DNAJC1: variants seen among roughly 807,000 people sequenced by gnomAD.
DNAJC1 encodes dnaJ homolog subfamily C member 1.
DNAJC1 carries 58 observed loss-of-function variants against 76.6 expected under a neutral mutation model. The ratio of observed to expected loss-of-function variants is 0.76; its 90% CI spans 0.61 to 0.94. The LOEUF (loss-of-function observed/expected upper bound fraction) is 0.94, where lower values mean the gene tolerates loss of function less well. DNAJC1 is among the 40% of genes least tolerant of loss of function. The pLI is 0.00. For synonymous variants in DNAJC1, 258 were observed against 267.9 expected, an observed-to-expected ratio of 0.96 and a Z score of 0.36; for missense variants, 689 against 677.3, an observed-to-expected ratio of 1.02 and a Z score of -0.19.
At chr10:21,902,948 A>C (rs1200979136) in intron 7 of DNAJC1, among the ~76,000 whole-genome samples, 4 of 151,936 alleles carry the variant, frequency 2.6e-5, no homozygotes, top group Non-Finnish European at 5.9e-5. Context: ...TTTTTTTGAG[A>C]CAGAGTTTCA....
rs1835080645 is a variant in DNAJC1 at position 21,816,556 on chromosome 10, T to G, written c.979-10457A>C. ...CACTGTCTCTCTCTCTTTTTTTTTT[T>G]TTTTTTTGAGACGGAGACTCGCTCT... On this transcript the variant is annotated intron_variant, in intron 8 of 11. Coordinates refer to ENST00000376980, the MANE Select transcript of DNAJC1 (RefSeq NM_022365.4). Among the ~76,000 whole-genome samples, 4 of 149,682 alleles carry G rather than the reference T, an allele frequency of 2.7e-5. No individual in the cohort carries two copies. The South Asian group carries it at 8.6e-4, about 32-fold the overall frequency.
intron 3 of DNAJC1, among the ~76,000 whole-genome samples, chr10:21,924,719 T>C (rs902836362): frequency 2.6e-5 from 4 of 152,280 alleles, no homozygotes; most frequent in Admixed American, 6.5e-5. Flanking sequence ...TCACTGGGTC[T>C]GAAAAATGCA....
At chr10:21,877,183 A>C (rs1004896880) in intron 8 of DNAJC1, among the ~76,000 whole-genome samples, 2 of 152,048 alleles carry the variant, frequency 1.3e-5, no homozygotes, top group East Asian at 3.9e-4. Flanking sequence ...TTGAGGTGTG[A>C]GGATCACTTG....
At chr10:21,882,568 C>T (rs777895159) in intron 7 of DNAJC1, 129 bp from the exon 8 acceptor site, 21 of 642,258 alleles carry the variant, frequency 3.3e-5, no homozygotes, top group Non-Finnish European at 5.0e-5. Context: ...AAATAATTGG[C>T]TATAACTTTT....
At chr10:21,835,137 G>A (rs1835428423) in intron 8 of DNAJC1, among the ~76,000 whole-genome samples, 1 of 152,126 alleles carries the variant, frequency 6.6e-6, no homozygotes, top group South Asian at 2.1e-4. Context: ...AACTTCCAGA[G>A]GAACGATCAG....
chr10:21,876,564 G>A (rs117769925), intron 8 of DNAJC1, among the ~76,000 whole-genome samples: 2 of 152,236 alleles, frequency 1.3e-5, no homozygotes, highest in African/African-American at 4.8e-5. Context: ...ACAACAAGCT[G>A]CATTAAACAT....
intron 1 of DNAJC1, among the ~76,000 whole-genome samples, chr10:22,002,001 CTTTAT>C (rs764878902): frequency 5.9e-5 from 9 of 152,140 alleles, no homozygotes; most frequent in Non-Finnish European, 1.2e-4. Flanking sequence ...AATGCCTATA[CTTTAT>C]AACTCTTACA....
intron 8 of DNAJC1, among the ~76,000 whole-genome samples, chr10:21,814,057 A>G (rs1835035289): frequency 6.6e-6 from 1 of 152,176 alleles, no homozygotes; most frequent in Non-Finnish European, 1.5e-5. Flanking sequence ...AGTTTTGGTG[A>G]TGAGGATGGG....
intron 8 of DNAJC1, among the ~76,000 whole-genome samples, chr10:21,857,392 T>C (rs1267289367): frequency 1.3e-5 from 2 of 152,190 alleles, no homozygotes; most frequent in Non-Finnish European, 2.9e-5. Flanking sequence ...CTTGGAATTT[T>C]AGGGCTTTTC....
chr10:21,981,237 T>G (rs1445864336), intron 1 of DNAJC1, among the ~76,000 whole-genome samples: 2 of 152,202 alleles, frequency 1.3e-5, no homozygotes, highest in Admixed American at 6.5e-5. Flanking sequence ...TTTCCCTGAT[T>G]ACTTCCATCC....
At chr10:21,841,309 C>T (rs1356060475) in intron 8 of DNAJC1, among the ~76,000 whole-genome samples, 1 of 152,150 alleles carries the variant, frequency 6.6e-6, no homozygotes, top group Non-Finnish European at 1.5e-5. Context: ...CATCAGTGAA[C>T]AGGCAGCCTA....
intron 6 of DNAJC1, among the ~76,000 whole-genome samples, chr10:21,914,686 TA>T (rs1413418143): frequency 1.3e-5 from 2 of 152,078 alleles, no homozygotes; most frequent in African/African-American, 4.8e-5. Flanking sequence ...ATACCCTCTT[TA>T]AAAAAAGGCT....
chr10:21,762,839 T>C (rs552180347), intron 10 of DNAJC1, among the ~76,000 whole-genome samples: 10 of 152,364 alleles, frequency 6.6e-5, no homozygotes, highest in African/African-American at 1.7e-4. Flanking sequence ...ATTTTCAACA[T>C]TTTTAAATCC....
chr10:21,946,998 C>T (rs1186010949), intron 1 of DNAJC1, among the ~76,000 whole-genome samples: 1 of 152,176 alleles, frequency 6.6e-6, no homozygotes, highest in East Asian at 1.9e-4. Context: ...TGGGATGATG[C>T]AGCATGAAGG....
chr10:21,827,039 A>G, intron 8 of DNAJC1, among the ~76,000 whole-genome samples: 1 of 151,940 alleles, frequency 6.6e-6, no homozygotes, highest in Non-Finnish European at 1.5e-5. Flanking sequence ...TGCCCTGGGT[A>G]GTATTGTCAT....
At chr10:21,772,191 A>C (rs1173897202) in intron 9 of DNAJC1, among the ~76,000 whole-genome samples, 1 of 148,622 alleles carries the variant, frequency 6.7e-6, no homozygotes, top group African/African-American at 2.5e-5. Context: ...ATTGGTCTGT[A>C]GTTTTCTTGT....
At chr10:21,939,943 CAAAA>C (rs374955734) in intron 1 of DNAJC1, among the ~76,000 whole-genome samples, 9 of 70,374 alleles carry the variant, frequency 1.3e-4, no homozygotes, top group African/African-American at 4.2e-4. Flanking sequence ...AAACCTCTCT[CAAAA>C]AAAAAAAAAA....
chr10:21,819,929 C>A (rs1835129870), intron 8 of DNAJC1, among the ~76,000 whole-genome samples: 1 of 152,122 alleles, frequency 6.6e-6, no homozygotes, highest in Admixed American at 6.5e-5. Flanking sequence ...GACTCTGTCT[C>A]AAATAAAACA....
rs183036562 is a variant in DNAJC1, at chr10:21,895,221, C to G, written c.820+9301G>C. Reference sequence around the variant, plus strand: ...GTGAGAGCTCTGCAGAAGAGGAGAGCTGTAGAGAAACCCTCAGTCATCTTA... The same window carrying G: ...GTGAGAGCTCTGCAGAAGAGGAGAGGTGTAGAGAAACCCTCAGTCATCTTA... On this transcript the variant is annotated intron_variant, in intron 7 of 11. Coordinates refer to ENST00000376980, the MANE Select transcript of DNAJC1 (RefSeq NM_022365.4). 2.2e-3 allele frequency among the ~76,000 whole-genome samples: 329 copies of G among 152,240 alleles called. 3 individuals are homozygous for G. The highest frequency in any genetic ancestry group is 7.5e-3 in the African/African-American group (313 of 41,538).
Sources: allele counts gnomAD v4.1 joint callset (sites outside exome capture counted in the v4.1 genomes callset), GRCh38; gene constraint gnomAD v4.1.1; transcripts MANE v1.5; gene names NCBI Gene and HGNC (gene_info 2026-07-23, HGNC 2026-07-21).